GOLGA5: variants seen among roughly 807,000 people sequenced by gnomAD.
GOLGA5 encodes golgin A5, also known as golgin subfamily A member 5.
A neutral mutation model predicts 93.5 loss-of-function variants in GOLGA5; 50 were observed. That is an observed-to-expected ratio of 0.53 (90% CI 0.43 to 0.68). The LOEUF (loss-of-function observed/expected upper bound fraction) is 0.68. Ranked by LOEUF, GOLGA5 falls within the 30% of genes least tolerant of loss-of-function variation. GOLGA5 has a pLI of 0.00. For missense variants in GOLGA5, 760 were observed against 856.4 expected, an observed-to-expected ratio of 0.89 and a Z score of 1.40; for synonymous variants, 312 against 304.5, an observed-to-expected ratio of 1.02 and a Z score of -0.26.
chr14:92,806,964 G>T lies in GOLGA5; in HGVS notation c.772+1G>T, dbSNP rs1885000712. ...CAAAGATCCAAAGAGACTCAAGAAG[G>T]TAGAGGCTTAAATTGTTCAGGATTA... On this transcript the variant is annotated splice_donor_variant, in intron 3 of 12. Coordinates refer to ENST00000163416, the MANE Select transcript of GOLGA5 (RefSeq NM_005113.4). LOFTEE classifies it high-confidence loss of function. The T allele has an allele frequency of 6.5e-7, 1 of 1,547,644 alleles. No individual in the cohort carries two copies. Among genetic ancestry groups the T allele is most frequent in the African/African-American group, 1.4e-5 (1 of 73,642 alleles).
chr14:92,833,332 A>G lies in GOLGA5; in HGVS notation c.1930A>G (p.Ile644Val), dbSNP rs1205854776. Reference protein sequence around the residue: ...SNGSSINMSGIDNGEGTRLRN... With the variant: ...SNGSSINMSGVDNGEGTRLRN... ...TGGGTCTTCGATTAATATGTCTGGAATTGACAATGGTGAAGGTAATCAAAA... is the reference window on the plus strand; with the variant it reads ...TGGGTCTTCGATTAATATGTCTGGAGTTGACAATGGTGAAGGTAATCAAAA... Residue 644 changes from isoleucine to valine, a missense_variant, in exon 10 of 13, where the codon ATT becomes GTT. By Grantham distance (29) the Ile-to-Val change is conservative. Transcript: ENST00000163416. The G allele has an allele frequency of 1.3e-6, 2 of 1,596,504 alleles. No homozygotes were observed. The highest frequency in any genetic ancestry group is 1.7e-6 in the Non-Finnish European group (2 of 1,163,924).
rs759759384 is a variant in GOLGA5, at chr14:92,797,832, A to G, written c.395A>G (p.Lys132Arg). 1.2e-6 allele frequency: 2 copies of G among 1,614,032 alleles called. No individual in the cohort carries two copies. Among genetic ancestry groups the G allele is most frequent in the Non-Finnish European group, 1.7e-6 (2 of 1,179,994 alleles). The change falls in exon 2 of 13, where the codon AAG becomes AGG. Residue 132 changes from lysine to arginine, a missense_variant. By Grantham distance (26) the Lys-to-Arg change is conservative. Transcript: ENST00000163416. The stretch of plus-strand genomic sequence containing the variant: ...TTTGATTTTCTTAATAGTTCACAGA[A>G]GGAGCCTACCGGGAGGGTGGAAATC... ...LLFDFLNSSQ[K>R]EPTGRVEIRK...
At chr14:92,816,905 T>C (rs552332650) in intron 7 of GOLGA5, among the ~76,000 whole-genome samples, 2 of 151,466 alleles carry the variant, frequency 1.3e-5, no homozygotes, top group South Asian at 4.2e-4. Context: ...TTCTTTCCTT[T>C]CTCTCCTTTC....
intron 2 of GOLGA5, among the ~76,000 whole-genome samples, chr14:92,799,431 C>CA (rs1884812976): frequency 7.0e-6 from 1 of 143,722 alleles, no homozygotes; most frequent in Non-Finnish European, 1.5e-5. Flanking sequence ...CGCCTGCCAT[C>CA]ACGCCTGGCT....
intron 2 of GOLGA5, among the ~76,000 whole-genome samples, chr14:92,799,321 G>T (rs1884810567): frequency 7.1e-6 from 1 of 141,724 alleles, no homozygotes; most frequent in Non-Finnish European, 1.5e-5. Flanking sequence ...CTGTCACCCA[G>T]GCTGGAGTGC....
intron 2 of GOLGA5, among the ~76,000 whole-genome samples, 158 bp from the exon 3 acceptor site, chr14:92,806,578 G>T (rs1446064032): frequency 1.3e-5 from 2 of 152,184 alleles, no homozygotes; most frequent in Admixed American, 1.3e-4. Context: ...CTCCCAAAAT[G>T]CTGGGATTAC....
chr14:92,835,568 T>C lies in GOLGA5; in HGVS notation c.1955T>C (p.Leu652Pro), dbSNP rs1885624822. Residue 652 changes from leucine (L) to proline (P), a missense_variant, in exon 11 of 13, where the codon CTG becomes CCG. Physicochemically the swap from Leu to Pro is moderately conservative, Grantham distance 98. Coordinates refer to ENST00000163416, the MANE Select transcript of GOLGA5 (RefSeq NM_005113.4). ...SGIDNGEGTRLRNVPVLFNDT... is the reference protein window; with the variant it reads ...SGIDNGEGTRPRNVPVLFNDT... Reference sequence around the variant, plus strand: ...TTTCTTATTTAAACAGGCACTCGTCTGCGAAATGTTCCTGTTCTTTTTAAT... The same window carrying C: ...TTTCTTATTTAAACAGGCACTCGTCCGCGAAATGTTCCTGTTCTTTTTAAT... The C allele has an allele frequency of 6.2e-7, 1 of 1,609,622 alleles. No individual in the cohort carries two copies. The highest frequency in any genetic ancestry group is 8.5e-7 in the Non-Finnish European group (1 of 1,176,008).
chr14:92,800,870 C>T (rs960947272), intron 2 of GOLGA5, among the ~76,000 whole-genome samples: 3 of 152,186 alleles, frequency 2.0e-5, no homozygotes, highest in African/African-American at 7.2e-5. Flanking sequence ...AAGGGAACCT[C>T]GTTGTCAGGG....
At chr14:92,796,469 C>T (rs541064408) in intron 1 of GOLGA5, among the ~76,000 whole-genome samples, 12 of 152,294 alleles carry the variant, frequency 7.9e-5, no homozygotes, top group African/African-American at 2.6e-4. Flanking sequence ...TCTGTCCTTT[C>T]TGTATGCCTG....
intron 8 of GOLGA5, among the ~76,000 whole-genome samples, chr14:92,824,024 A>T (rs917824954): frequency 6.6e-6 from 1 of 152,090 alleles, no homozygotes; most frequent in African/African-American, 2.4e-5. Flanking sequence ...ACTGCTTTAT[A>T]TAAAACTATT....
chr14:92,799,272 A>T (rs866294120), intron 2 of GOLGA5, among the ~76,000 whole-genome samples: 18 of 124,160 alleles, frequency 1.4e-4, no homozygotes, highest in South Asian at 2.6e-4. Flanking sequence ...GGCCATAGGG[A>T]TTTTTTTTTT....
At position 92,833,119 on chromosome 14, in the gene GOLGA5, C is replaced by T; in HGVS notation, c.1720-3C>T. 1 of 1,536,116 alleles carries T rather than the reference C, an allele frequency of 6.5e-7. No homozygotes were observed. The highest frequency in any genetic ancestry group is 1.7e-5 in the Admixed American group (1 of 59,874). On this transcript the variant is annotated splice_polypyrimidine_tract_variant and splice_region_variant and intron_variant, in intron 9 of 12. Transcript: ENST00000163416. Reference sequence around the variant, plus strand: ...AGAATTTTGTGAACACTTTCTCTTTCAGCTTACCAATAAAACTTTAAGCAA... The same window carrying T: ...AGAATTTTGTGAACACTTTCTCTTTTAGCTTACCAATAAAACTTTAAGCAA...
Position 92,798,000 on chromosome 14 carries a change from T to TA in GOLGA5, c.544+20dup, listed in dbSNP as rs753099540. ...ACCCACGGTAGTTAATCAGTCCTCT[T>TA]ATTTCTTTTAGAGTTAAGCAAATTG... is the stretch of plus-strand genomic sequence containing the variant. On this transcript the variant is annotated intron_variant, in intron 2 of 12. Transcript: ENST00000163416. The TA allele has an allele frequency of 6.7e-7, 1 of 1,497,558 alleles. No homozygotes were observed. Among genetic ancestry groups the TA allele is most frequent in the Non-Finnish European group, 9.0e-7 (1 of 1,108,074 alleles). 92.8% of individuals were successfully genotyped at this position (1,497,558 alleles called of 1,614,324 possible).
chr14:92,833,819 C>G (rs551258357), intron 10 of GOLGA5, among the ~76,000 whole-genome samples: 4 of 152,190 alleles, frequency 2.6e-5, no homozygotes, highest in South Asian at 4.2e-4. Context: ...GATTTTTAAT[C>G]TTGGAACTTC....
At chr14:92,818,975 T>C (rs1885261379) in intron 7 of GOLGA5, among the ~76,000 whole-genome samples, 1 of 152,218 alleles carries the variant, frequency 6.6e-6, no homozygotes, top group Non-Finnish European at 1.5e-5. Context: ...AAGAAAATTA[T>C]ATGCCAACTT....
intron 12 of GOLGA5, among the ~76,000 whole-genome samples, chr14:92,837,993 G>A (rs978732589): frequency 2.0e-5 from 3 of 152,112 alleles, no homozygotes; most frequent in African/African-American, 7.2e-5. Flanking sequence ...AAAATTAAAC[G>A]CAGTCTAATA....
At chr14:92,814,043 G>C (rs1332444374) in intron 6 of GOLGA5, among the ~76,000 whole-genome samples, 1 of 152,090 alleles carries the variant, frequency 6.6e-6, no homozygotes. Context: ...AAAGAGAACA[G>C]GTTAGGGTTA....
chr14:92,802,267 AT>A (rs1169508012), intron 2 of GOLGA5, among the ~76,000 whole-genome samples: 1 of 152,072 alleles, frequency 6.6e-6, no homozygotes, highest in Non-Finnish European at 1.5e-5. Context: ...AGTAGTTTAT[AT>A]TTTTTGAAAC....
intron 8 of GOLGA5, 144 bp downstream of exon 8, chr14:92,819,980 T>A: frequency 2.8e-6 from 2 of 720,586 alleles, no homozygotes; most frequent in Non-Finnish European, 4.6e-6. Context: ...CCATCTCATC[T>A]GAAGGGGTGG....
Sources: gnomAD v4.1 joint callset for allele counts (sites outside exome capture counted in the v4.1 genomes callset) on GRCh38, gnomAD v4.1.1 for gene constraint, MANE v1.5 for transcripts, NCBI Gene and HGNC (gene_info 2026-07-23, HGNC 2026-07-21) for gene names.